The following LUC7L2 variants were observed in gnomAD, a reference collection of about 807,000 sequenced individuals.
LUC7L2 encodes the protein putative RNA-binding protein Luc7-like 2.
LUC7L2 carries 25 observed loss-of-function variants against 52.8 expected under a neutral mutation model. That is an observed-to-expected ratio of 0.47 (90% confidence interval 0.34 to 0.66). LUC7L2 has a LOEUF of 0.66. Among genes scored for constraint, LUC7L2 ranks in the 30% least tolerant of loss-of-function variants. The pLI is 0.01. For synonymous variants in LUC7L2, 144 were observed against 160.9 expected (o/e 0.89, Z 0.80); for missense variants, 328 against 497.8 (o/e 0.66, Z 3.25).
chr7:139,407,025 G>GTT, intron 5 of LUC7L2, 149 bp from the exon 6 acceptor site: 1 of 124,322 alleles, frequency 8.0e-6, no homozygotes, highest in South Asian at 3.1e-4. Flanking sequence ...TTTTTTTTGA[G>GTT]CTGGAGTCTC....
chr7:139,405,871 A>G (rs1482469371), intron 5 of LUC7L2, 84 bp downstream of exon 5: 5 of 1,445,904 alleles, frequency 3.5e-6, no homozygotes, highest in Admixed American at 5.5e-5. Flanking sequence ...TTCAGTATCT[A>G]TACTTCTCTA....
chr7:139,414,261 A>G (rs1795493033), intron 8 of LUC7L2, among the ~76,000 whole-genome samples: 1 of 152,244 alleles, frequency 6.6e-6, no homozygotes, highest in South Asian at 2.1e-4. Flanking sequence ...AGAAGTTAAC[A>G]TCTTTACCAA....
At chr7:139,389,566 A>T (rs1301873910) in intron 2 of LUC7L2, among the ~76,000 whole-genome samples, 4 of 152,144 alleles carry the variant, frequency 2.6e-5, no homozygotes, top group African/African-American at 9.7e-5. Flanking sequence ...CTCCTCATAC[A>T]CACTGATATT....
chr7:139,397,990 C>T (rs890138908), intron 2 of LUC7L2, among the ~76,000 whole-genome samples: 1 of 152,122 alleles, frequency 6.6e-6, no homozygotes, highest in African/African-American at 2.4e-5. Context: ...TCAAAGTCAA[C>T]AGTCTTGTTT....
At position 139,359,957 on chromosome 7, in the gene LUC7L2, T is replaced by G. The variant is rs1799776602; in HGVS notation, c.-305T>G. 2 of 425,716 alleles carry G rather than the reference T, an allele frequency of 4.7e-6. No individual in the cohort carries two copies. The highest frequency in any genetic ancestry group is 4.1e-5 in the African/African-American group (2 of 48,698). The allele number at this position is 425,716 out of a possible 1,614,324, so 26.4% of individuals were successfully genotyped here. On this transcript the variant is annotated 5_prime_UTR_variant, in exon 1 of 10. Transcript: ENST00000354926. ...AGCTTGAGGGGGGGTTGACGGCTTC[T>G]GGCGGGTGGCGGTGTTGAAGGCGAG...
rs562807151 is a variant in LUC7L2 at position 139,390,799 on chromosome 7, G to T, written c.157-7800G>T. Among the ~76,000 whole-genome samples, 756 of 151,134 alleles carry T rather than the reference G, an allele frequency of 5.0e-3. 7 individuals carry two copies. Among genetic ancestry groups the T allele is most frequent in the Non-Finnish European group, 7.4e-3 (504 of 67,818 alleles). ...TCTCGATCTCCTGACCTCGTGATTC[G>T]CCCGTCTCGGCCTCCCAAACTGCTG... On this transcript the variant is annotated intron_variant, in intron 2 of 9. Coordinates refer to ENST00000354926, the MANE Select transcript of LUC7L2 (RefSeq NM_016019.5).
intron 1 of LUC7L2, chr7:139,371,335 C>T (rs1430667341): frequency 1.5e-5 from 11 of 745,260 alleles, no homozygotes; most frequent in African/African-American, 5.2e-5. Context: ...ATATTACAAA[C>T]TTTAAGGTTC....
At chr7:139,358,086 CAACCTCCACTTCCCGGGTTCAA>C (rs1799662332), upstream of LUC7L2, among the ~76,000 whole-genome samples, 1 of 152,132 alleles carries the variant, frequency 6.6e-6, no homozygotes, top group African/African-American at 2.4e-5. Context: ...CGGCTTACTG[CAACCTCCACTTCCCGGGTTCAA>C]GTGATTCTCC....
chr7:139,350,959 C>G (rs544522235), intron 1 of LUC7L2, among the ~76,000 whole-genome samples: 2 of 152,286 alleles, frequency 1.3e-5, no homozygotes, highest in African/African-American at 4.8e-5. Context: ...CAGGTGTGAG[C>G]CACTGCGCCT....
intron 1 of LUC7L2, among the ~76,000 whole-genome samples, chr7:139,373,498 G>C (rs1261147134): frequency 6.6e-6 from 1 of 152,118 alleles, no homozygotes; most frequent in African/African-American, 2.4e-5. Context: ...TTGCGGTGAG[G>C]AGTTATTTTA....
At chr7:139,393,427 C>G (rs997291627) in intron 2 of LUC7L2, among the ~76,000 whole-genome samples, 1 of 151,830 alleles carries the variant, frequency 6.6e-6, no homozygotes, top group Non-Finnish European at 1.5e-5. Context: ...GAGGCCCTGT[C>G]TCTAAAAAAG....
chr7:139,412,841 A>T (rs1007460852), intron 8 of LUC7L2: 1 of 230,684 alleles, frequency 4.3e-6, no homozygotes, highest in African/African-American at 2.3e-5. Flanking sequence ...AAAAAAAAAA[A>T]AAAAAAAGAA....
At chr7:139,409,978 C>A (rs1046399567) in intron 7 of LUC7L2, among the ~76,000 whole-genome samples, 2 of 152,074 alleles carry the variant, frequency 1.3e-5, no homozygotes, top group African/African-American at 2.4e-5. Context: ...GAGGCCGAGG[C>A]GGGTGGATCA....
chr7:139,350,207 C>T (rs1210041881), intron 1 of LUC7L2, among the ~76,000 whole-genome samples: 9 of 151,864 alleles, frequency 5.9e-5, no homozygotes, highest in Non-Finnish European at 1.3e-4. Flanking sequence ...CTGCAAGCTC[C>T]GCCTCCCGGG....
At chr7:139,417,507 G>A (rs1173461734) in intron 8 of LUC7L2, 31 bp from the exon 9 acceptor site, 1 of 1,600,658 alleles carries the variant, frequency 6.2e-7, no homozygotes, top group East Asian at 2.2e-5. Context: ...TAATTACAAA[G>A]GTAGAAACAA....
At chr7:139,372,933 G>A (rs781761292) in intron 1 of LUC7L2, among the ~76,000 whole-genome samples, 1 of 152,114 alleles carries the variant, frequency 6.6e-6, no homozygotes, top group Non-Finnish European at 1.5e-5. Flanking sequence ...CTGTGATTTG[G>A]ATCCAATGTC....
intron 8 of LUC7L2, among the ~76,000 whole-genome samples, chr7:139,414,123 G>A (rs1466333159): frequency 6.6e-6 from 1 of 152,142 alleles, no homozygotes; most frequent in Non-Finnish European, 1.5e-5. Flanking sequence ...TTAGTTCTCT[G>A]TGCTTGCCCA....
At chr7:139,363,240 A>G in intron 1 of LUC7L2, 1 of 985,436 alleles carries the variant, frequency 1.0e-6, no homozygotes, top group Non-Finnish European at 1.2e-6. Context: ...CATACTGCAT[A>G]AATGGAAGCA....
chr7:139,394,117 A>C (rs1204200118), intron 2 of LUC7L2, among the ~76,000 whole-genome samples: 3 of 152,170 alleles, frequency 2.0e-5, no homozygotes, highest in East Asian at 3.9e-4. Flanking sequence ...AGTCCAAGCA[A>C]AAGAGATAAT....
Sources: gnomAD v4.1 joint callset for allele counts (sites outside exome capture counted in the v4.1 genomes callset) on GRCh38, gnomAD v4.1.1 for gene constraint, MANE v1.5 for transcripts, NCBI Gene and HGNC (gene_info 2026-07-23, HGNC 2026-07-21) for gene names.